The following EPHB1 variants were observed in gnomAD, a reference collection of about 807,000 sequenced individuals.
EPHB1 encodes ephrin type-B receptor 1.
EPHB1 carries 30 observed loss-of-function variants against 94.4 expected under a neutral mutation model. That is an observed-to-expected ratio of 0.32 (90% CI 0.24 to 0.43). The LOEUF (loss-of-function observed/expected upper bound fraction) is 0.43, where lower values mean the gene tolerates loss of function less well. Ranked by LOEUF, EPHB1 falls within the 20% of genes least tolerant of loss-of-function variation. EPHB1 has a pLI of 1.00. For missense variants in EPHB1, 1,055 were observed against 1,308.3 expected, an observed-to-expected ratio of 0.81 and a Z score of 2.99; for synonymous variants, 522 against 489.1, an observed-to-expected ratio of 1.07 and a Z score of -0.89.
chr3:135,213,100 A>G (rs766018476), intron 12 of EPHB1, among the ~76,000 whole-genome samples: 1 of 152,176 alleles, frequency 6.6e-6, no homozygotes, highest in African/African-American at 2.4e-5. Flanking sequence ...AGTTTTTCCT[A>G]CCAGGTCCTC....
intron 11 of EPHB1, among the ~76,000 whole-genome samples, chr3:135,193,663 T>G (rs1942520322): frequency 6.6e-6 from 1 of 152,202 alleles, no homozygotes; most frequent in South Asian, 2.1e-4. Context: ...ACCCAGTAGC[T>G]GGCTACACAC....
At chr3:134,847,278 C>T (rs1408421752) in intron 1 of EPHB1, among the ~76,000 whole-genome samples, 1 of 152,170 alleles carries the variant, frequency 6.6e-6, no homozygotes, top group Non-Finnish European at 1.5e-5. Context: ...AGCCACTCAC[C>T]CTGAGGCTGG....
chr3:135,058,589 A>ATC (rs1937408784), intron 3 of EPHB1, among the ~76,000 whole-genome samples: 1 of 152,216 alleles, frequency 6.6e-6, no homozygotes, highest in African/African-American at 2.4e-5. Context: ...GCTCCCATTC[A>ATC]ACCTTCTCAT....
chr3:135,178,454 G>A (rs1942055435), intron 9 of EPHB1, among the ~76,000 whole-genome samples: 2 of 118,130 alleles, frequency 1.7e-5, no homozygotes, highest in Admixed American at 1.9e-4. Context: ...GAGCAAGACT[G>A]TCTCAAAAAA....
chr3:134,945,340 T>C (rs2039197725), intron 2 of EPHB1, among the ~76,000 whole-genome samples: 1 of 152,186 alleles, frequency 6.6e-6, no homozygotes, highest in African/African-American at 2.4e-5. Context: ...CCATGGTTTC[T>C]TTTAGTATCT....
intron 9 of EPHB1, among the ~76,000 whole-genome samples, chr3:135,169,265 AG>A (rs1257578725): frequency 1.3e-4 from 20 of 152,200 alleles, no homozygotes; most frequent in Non-Finnish European, 4.4e-5. Context: ...GACAGCTGAA[AG>A]AACATTGTTG....
rs537685231 is a variant in EPHB1 at position 135,031,149 on chromosome 3, G to A, written c.806-75299G>A. Among the ~76,000 whole-genome samples the A allele has an allele frequency of 2.5e-3, 386 of 152,266 alleles. 1 individual carries two copies. Among genetic ancestry groups the A allele is most frequent in the Middle Eastern group, 6.8e-3 (2 of 294 alleles). On this transcript the variant is annotated intron_variant, in intron 3 of 15. Transcript: ENST00000398015. Reference sequence around the variant, plus strand: ...GGCACTCCCTAGTGAGATGAACCCCGTACCTCAGATGGAAATGCAGAAATC... The same window carrying A: ...GGCACTCCCTAGTGAGATGAACCCCATACCTCAGATGGAAATGCAGAAATC...
At chr3:134,991,555 C>G (rs1934800012) in intron 3 of EPHB1, among the ~76,000 whole-genome samples, 3 of 152,192 alleles carry the variant, frequency 2.0e-5, no homozygotes, top group Admixed American at 1.3e-4. Flanking sequence ...TTCCAGCCCT[C>G]CAGATAAAGG....
chr3:135,117,660 C>G (rs925898514), intron 4 of EPHB1, among the ~76,000 whole-genome samples: 1 of 152,216 alleles, frequency 6.6e-6, no homozygotes, highest in African/African-American at 2.4e-5. Flanking sequence ...ATCTGTCCCC[C>G]CTTCCCATTC....
chr3:134,807,083 GA>G (rs2036076084), intron 1 of EPHB1, among the ~76,000 whole-genome samples: 1 of 152,178 alleles, frequency 6.6e-6, no homozygotes, highest in Admixed American at 6.5e-5. Flanking sequence ...GCTGCCTTGA[GA>G]GATGATGCAG....
intron 6 of EPHB1, among the ~76,000 whole-genome samples, chr3:135,155,222 G>A (rs1941314366): frequency 6.6e-6 from 1 of 152,134 alleles, no homozygotes; most frequent in Non-Finnish European, 1.5e-5. Context: ...AGGTAAATGG[G>A]ATCAGGAGGG....
Position 134,951,284 on chromosome 3 carries a change from G to T in EPHB1, c.124-87G>T. On this transcript the variant is annotated intron_variant, in intron 2 of 15. Transcript: ENST00000398015. This position sits in a 1 kb window ranked among gnomAD's most constrained non-coding sequence, Gnocchi z 4.5. Reference sequence around the variant, plus strand: ...GAGCTCTTAAGGCCCCTTAGCCCCAGGATTCTCCTCTGCTATGCCTATTTT... The same window carrying T: ...GAGCTCTTAAGGCCCCTTAGCCCCATGATTCTCCTCTGCTATGCCTATTTT... 7.8e-7 allele frequency: 1 copy of T among 1,285,010 alleles called. No individual in the cohort carries two copies. Among genetic ancestry groups the T allele is most frequent in the Non-Finnish European group, 1.0e-6 (1 of 954,272 alleles). 79.6% of individuals were successfully genotyped at this position (1,285,010 alleles called of 1,614,324 possible).
At chr3:134,928,530 T>C (rs2038841094) in intron 2 of EPHB1, among the ~76,000 whole-genome samples, 1 of 152,198 alleles carries the variant, frequency 6.6e-6, no homozygotes. Flanking sequence ...AGCAAGTGGG[T>C]GGATGATGGT....
At chr3:135,162,915 A>T (rs912053897) in intron 7 of EPHB1, among the ~76,000 whole-genome samples, 1 of 152,138 alleles carries the variant, frequency 6.6e-6, no homozygotes, top group East Asian at 1.9e-4. Context: ...TTAGCTAGCC[A>T]TTTACCATAG....
intron 1 of EPHB1, among the ~76,000 whole-genome samples, chr3:134,811,508 G>A (rs2036179837): frequency 6.6e-6 from 1 of 151,866 alleles, no homozygotes; most frequent in South Asian, 2.1e-4. Context: ...CAAAGTGCTG[G>A]GATTACAGGC....
rs778918288 is a variant in EPHB1, at chr3:134,927,552, C to T, written c.123+1672C>T. Among the ~76,000 whole-genome samples the T allele has an allele frequency of 1.3e-3, 200 of 152,258 alleles. 1 individual carries two copies. The highest frequency in any genetic ancestry group is 6.8e-3 in the Middle Eastern group (2 of 294). On this transcript the variant is annotated intron_variant, in intron 2 of 15. Coordinates refer to ENST00000398015, the MANE Select transcript of EPHB1 (RefSeq NM_004441.5). ...ATATCACCTGGATATTAAGAATTTGCCATCTTTTACAAATTATGTTATTGT... is the reference window on the plus strand; with the variant it reads ...ATATCACCTGGATATTAAGAATTTGTCATCTTTTACAAATTATGTTATTGT...
In EPHB1 at chr3:134,951,958, A is replaced by G. The variant is rs777190178; in HGVS notation, c.711A>G (p.Lys237=). Residue 237 remains lysine (K), a synonymous_variant, in exon 3 of 16, where the codon AAA becomes AAG. Transcript: ENST00000398015. This position sits in a 1 kb window ranked among gnomAD's most constrained non-coding sequence, Gnocchi z 4.5. Reference sequence around the variant, plus strand: ...CAGAGGAAGTGGACGTGCCCATCAAACTCTACTGCAACGGGGATGGGGAAT... The same window carrying G: ...CAGAGGAAGTGGACGTGCCCATCAAGCTCTACTGCAACGGGGATGGGGAAT... ...PNAEEVDVPI[K]LYCNGDGEWM... 6.2e-7 allele frequency: 1 copy of G among 1,613,906 alleles called. No homozygotes were observed. Among genetic ancestry groups the G allele is most frequent in the South Asian group, 1.1e-5 (1 of 91,076 alleles).
chr3:135,049,257 A>G (rs1937097384), intron 3 of EPHB1, among the ~76,000 whole-genome samples: 1 of 152,226 alleles, frequency 6.6e-6, no homozygotes, highest in Non-Finnish European at 1.5e-5. Context: ...TCTATTGTCT[A>G]ACAAACGCAT....
intron 3 of EPHB1, among the ~76,000 whole-genome samples, chr3:135,105,803 C>T (rs902876155): frequency 7.9e-5 from 12 of 152,142 alleles, no homozygotes; most frequent in East Asian, 3.8e-4. Flanking sequence ...GCCCCACCCC[C>T]GGAAGCATAT....
Sources: gnomAD v4.1 joint callset for allele counts (sites outside exome capture counted in the v4.1 genomes callset) on GRCh38, gnomAD v4.1.1 for gene constraint, Gnocchi (gnomAD v3.1) non-coding constraint, MANE v1.5 for transcripts, NCBI Gene and HGNC (gene_info 2026-07-23, HGNC 2026-07-21) for gene names.